GARNL3: variants seen among roughly 807,000 people sequenced by gnomAD.
GARNL3 encodes the protein GTPase-activating Rap/Ran-GAP domain-like protein 3.
GARNL3 carries 63 observed loss-of-function variants against 125.0 expected under a neutral mutation model. The observed-to-expected ratio is 0.50, with a 90% CI of 0.41 to 0.62. The LOEUF is 0.62. Among genes scored for constraint, GARNL3 ranks in the 20% least tolerant of loss-of-function variants. The pLI, the probability that GARNL3 is intolerant of heterozygous loss-of-function variation, is 0.00. For synonymous variants in GARNL3, 439 were observed against 457.5 expected (o/e 0.96, Z 0.52); for missense variants, 994 against 1,244.0 (o/e 0.80, Z 3.02).
intron 1 of GARNL3, 146 bp from the exon 2 acceptor site, chr9:127,291,022 G>T: frequency 1.4e-6 from 1 of 725,020 alleles, no homozygotes. Context: ...ATGAGTACCT[G>T]CCTGATAGAG....
rs144731401 is a variant in GARNL3, at chr9:127,340,461, GC to G, written c.1135+713del. 3.6e-3 allele frequency among the ~76,000 whole-genome samples: 547 copies of G among 152,114 alleles called. 10 individuals carry two copies. The East Asian group carries it at 0.069, about 19-fold the overall frequency. ...ATCTGCTGCAGCTTGCTAGCCGCAC[GC>G]CCTGGCAGGGCTGCTTGGTCTATGC... On this transcript the variant is annotated intron_variant, in intron 13 of 27. Coordinates refer to ENST00000373387, the MANE Select transcript of GARNL3 (RefSeq NM_032293.5).
intron 7 of GARNL3, among the ~76,000 whole-genome samples, chr9:127,330,821 G>A (rs1433499412): frequency 6.6e-6 from 1 of 152,130 alleles, no homozygotes; most frequent in Admixed American, 6.5e-5. Context: ...GGTCAGTTTG[G>A]GAGTGTCCTC....
intron 5 of GARNL3, among the ~76,000 whole-genome samples, chr9:127,318,873 T>A (rs2131503384): frequency 6.6e-6 from 1 of 152,258 alleles, no homozygotes; most frequent in Admixed American, 6.5e-5. Flanking sequence ...TATTATTATC[T>A]CCACTCCACT....
At chr9:127,380,878 G>A (rs992231682) in intron 22 of GARNL3, among the ~76,000 whole-genome samples, 1 of 152,106 alleles carries the variant, frequency 6.6e-6, no homozygotes, top group African/African-American at 2.4e-5. Context: ...TCATTGAATT[G>A]TACATTTTAT....
chr9:127,303,504 CT>C (rs1248047073), intron 2 of GARNL3, among the ~76,000 whole-genome samples: 1 of 152,054 alleles, frequency 6.6e-6, no homozygotes, highest in Non-Finnish European at 1.5e-5. Context: ...TTATAATCAG[CT>C]TTCATGCTTA....
chr9:127,357,560 G>A (rs887378781), intron 21 of GARNL3, among the ~76,000 whole-genome samples, 183 bp downstream of exon 21: 1 of 152,176 alleles, frequency 6.6e-6, no homozygotes, highest in South Asian at 2.1e-4. Flanking sequence ...GGTCAGAATG[G>A]TTCTATCTAT....
At chr9:127,263,380 C>T (rs1450244291), upstream of GARNL3, among the ~76,000 whole-genome samples, 4 of 152,228 alleles carry the variant, frequency 2.6e-5, no homozygotes, top group East Asian at 1.9e-4. Flanking sequence ...GAAATTGAAG[C>T]GGCGGGTTGA....
intron 17 of GARNL3, among the ~76,000 whole-genome samples, chr9:127,349,857 C>T (rs1830333484): frequency 1.3e-5 from 2 of 152,162 alleles, no homozygotes; most frequent in Admixed American, 6.5e-5. Context: ...CTCTGGTTAC[C>T]GTAGTGACAT....
intron 21 of GARNL3, among the ~76,000 whole-genome samples, chr9:127,361,333 C>T (rs1191561834): frequency 6.6e-6 from 1 of 151,776 alleles, no homozygotes; most frequent in Non-Finnish European, 1.5e-5. Flanking sequence ...TGCAGTGGTG[C>T]AATCATAGTT....
chr9:127,226,538 G>A (rs1048831020), intron 1 of GARNL3, among the ~76,000 whole-genome samples: 2 of 152,166 alleles, frequency 1.3e-5, no homozygotes, highest in Non-Finnish European at 2.9e-5. Context: ...TGACCCGCTG[G>A]TGCTTCCTCC....
chr9:127,309,805 T>C (rs1159915863), intron 2 of GARNL3, among the ~76,000 whole-genome samples: 1 of 152,170 alleles, frequency 6.6e-6, no homozygotes, highest in Non-Finnish European at 1.5e-5. Flanking sequence ...AAACTTCCAA[T>C]TGAAGGAAAC....
chr9:127,300,882 C>T lies in GARNL3; in HGVS notation c.219+9640C>T, dbSNP rs2064763545. 1.5e-5 allele frequency: 4 copies of T among 273,644 alleles called. No individual in the cohort carries two copies. The Admixed American group carries it at 1.6e-4, about 11-fold the overall frequency. The allele number at this position is 273,644 out of a possible 1,614,324, so 17.0% of individuals were successfully genotyped here. A position where few individuals can be genotyped will look rare whatever the true frequency, so the allele number is the denominator to read the frequency against. On this transcript the variant is annotated intron_variant, in intron 2 of 27. Coordinates refer to ENST00000373387, the MANE Select transcript of GARNL3 (RefSeq NM_032293.5). Reference sequence around the variant, plus strand: ...GCCTGTTGGTAATGAACAGACTCCACAATAAAGGACTCACAGTGGGTAATC... The same window carrying T: ...GCCTGTTGGTAATGAACAGACTCCATAATAAAGGACTCACAGTGGGTAATC...
intron 1 of GARNL3, among the ~76,000 whole-genome samples, chr9:127,233,477 CTGGG>C: frequency 6.6e-6 from 1 of 152,260 alleles, no homozygotes; most frequent in East Asian, 1.9e-4. Context: ...GTCATTATAT[CTGGG>C]ATGCTTTTCC....
chr9:127,250,362 G>A (rs2063379233), intron 2 of GARNL3, among the ~76,000 whole-genome samples: 1 of 152,186 alleles, frequency 6.6e-6, no homozygotes. Context: ...CGTTTCAAAA[G>A]CAACATGGTG....
intron 2 of GARNL3, among the ~76,000 whole-genome samples, chr9:127,295,142 A>C (rs2064549219): frequency 6.6e-6 from 1 of 152,230 alleles, no homozygotes; most frequent in South Asian, 2.1e-4. Context: ...CTCATCAAGG[A>C]ATTGGATATC....
At chr9:127,270,158 C>T (rs1193846974) in intron 1 of GARNL3, among the ~76,000 whole-genome samples, 1 of 152,050 alleles carries the variant, frequency 6.6e-6, no homozygotes, top group Non-Finnish European at 1.5e-5. Flanking sequence ...TCCAGTTTTC[C>T]CAGCACCAGT....
intron 12 of GARNL3, 34 bp downstream of exon 12, chr9:127,338,195 A>G (rs750121598): frequency 1.3e-6 from 2 of 1,484,874 alleles, no homozygotes; most frequent in African/African-American, 1.4e-5. Flanking sequence ...TGCTTGTCCT[A>G]ATTCTCATGC....
intron 10 of GARNL3, 143 bp from the exon 11 acceptor site, chr9:127,335,985 G>A (rs1829531251): frequency 1.6e-6 from 1 of 626,292 alleles, no homozygotes; most frequent in Admixed American, 3.0e-5. Context: ...GCAAAACATG[G>A]GAAGCCTGAA....
rs766080868 is a variant in GARNL3 at position 127,354,415 on chromosome 9, C to T, written c.1759+5C>T. 2.0e-6 allele frequency: 3 copies of T among 1,535,696 alleles called. No homozygotes were observed. In the South Asian group the frequency reaches 3.4e-5, roughly 18 times the overall value. On this transcript the variant is annotated splice_donor_5th_base_variant and intron_variant, in intron 19 of 27. Coordinates refer to ENST00000373387, the MANE Select transcript of GARNL3 (RefSeq NM_032293.5). Reference sequence around the variant, plus strand: ...ACAAGTTGGAGAAAACAAAAGGTGACTTGATAGATTGGTAGATTCCATTCG... The same window carrying T: ...ACAAGTTGGAGAAAACAAAAGGTGATTTGATAGATTGGTAGATTCCATTCG...
Sources: allele counts gnomAD v4.1 joint callset (sites outside exome capture counted in the v4.1 genomes callset), GRCh38; gene constraint gnomAD v4.1.1; transcripts MANE v1.5; gene names NCBI Gene and HGNC (gene_info 2026-07-23, HGNC 2026-07-21).